Variants in VAV3 observed in about 807,000 individuals in gnomAD.
The protein encoded by VAV3 is vav guanine nucleotide exchange factor 3.
In VAV3, 94 loss-of-function variants were observed where a neutral mutation model predicts 131.2. That is an observed-to-expected ratio of 0.72 (90% CI 0.61 to 0.85). The LOEUF is 0.85. Among genes scored for constraint, VAV3 ranks in the 40% least tolerant of loss-of-function variants. VAV3 has a pLI of 0.00. For synonymous variants in VAV3, 349 were observed against 342.0 expected (o/e 1.02, Z -0.22); for missense variants, 939 against 1,002.7 (o/e 0.94, Z 0.86).
chr1:107,610,664 T>G (rs1051395272), intron 21 of VAV3, among the ~76,000 whole-genome samples: 1 of 152,174 alleles, frequency 6.6e-6, no homozygotes, highest in Non-Finnish European at 1.5e-5. Flanking sequence ...AGGAAAAATA[T>G]TGCATTTGCT....
rs183050928 is a variant in VAV3, at chr1:107,683,347, T to C, written c.1777+141A>G. 5.3e-5 allele frequency: 45 copies of C among 843,812 alleles called. No individual in the cohort carries two copies. The East Asian group carries it at 6.5e-4, about 12-fold the overall frequency. 52.3% of individuals were successfully genotyped at this position (843,812 alleles called of 1,614,324 possible). A position where few individuals can be genotyped will look rare whatever the true frequency, so the allele number is the denominator to read the frequency against. ...TGTGAATGATTTACACGTTAGACCATGACCTCCTGGTCACACATTATACAC... is the reference window on the plus strand; with the variant it reads ...TGTGAATGATTTACACGTTAGACCACGACCTCCTGGTCACACATTATACAC... On this transcript the variant is annotated intron_variant, in intron 19 of 26. Coordinates refer to ENST00000370056, the MANE Select transcript of VAV3 (RefSeq NM_006113.5).
intron 1 of VAV3, among the ~76,000 whole-genome samples, chr1:107,955,596 G>A (rs921372526): frequency 2.0e-5 from 3 of 152,094 alleles, no homozygotes; most frequent in African/African-American, 7.2e-5. Context: ...CCACACCTGG[G>A]AGAAAAGTCA....
At chr1:107,929,287 CAAA>C (rs372843076) in intron 1 of VAV3, among the ~76,000 whole-genome samples, 3 of 92,516 alleles carry the variant, frequency 3.2e-5, no homozygotes, top group Admixed American at 2.5e-4. Flanking sequence ...CACTCTGTCT[CAAA>C]AAAAAAAAAA....
intron 15 of VAV3, among the ~76,000 whole-genome samples, chr1:107,727,588 T>C (rs1378428768): frequency 6.6e-6 from 1 of 152,194 alleles, no homozygotes; most frequent in Non-Finnish European, 1.5e-5. Context: ...TAATGAACAT[T>C]TAAAATTAAT....
At chr1:107,642,291 G>A (rs1261970802) in intron 20 of VAV3, among the ~76,000 whole-genome samples, 9 of 152,104 alleles carry the variant, frequency 5.9e-5, no homozygotes, top group Non-Finnish European at 1.3e-4. Context: ...ACCTCTGGTC[G>A]TCCTCACTAC....
At chr1:107,735,534 G>A (rs1248822308) in intron 15 of VAV3, among the ~76,000 whole-genome samples, 3 of 151,378 alleles carry the variant, frequency 2.0e-5, no homozygotes, top group East Asian at 3.9e-4. Flanking sequence ...TATCACCACC[G>A]ATCCCACAGA....
In VAV3 at chr1:107,668,590, T is replaced by C. The variant is rs939816059; in HGVS notation, c.1777+14898A>G. The C allele has an allele frequency of 6.2e-5, 60 of 968,902 alleles. No homozygotes were observed. In the African/African-American group the frequency reaches 8.6e-4, roughly 14 times the overall value. 60.0% of individuals were successfully genotyped at this position (968,902 alleles called of 1,614,324 possible). A position where few individuals can be genotyped will look rare whatever the true frequency, so the allele number is the denominator to read the frequency against. ...TCATACAAAGATGAATTTGCAGTCATGGAGTACAATGAAATGTGTAGAATA... is the reference window on the plus strand; with the variant it reads ...TCATACAAAGATGAATTTGCAGTCACGGAGTACAATGAAATGTGTAGAATA... On this transcript the variant is annotated intron_variant, in intron 19 of 26. Transcript: ENST00000370056.
At chr1:107,585,089 G>C (rs777708964) in intron 25 of VAV3, among the ~76,000 whole-genome samples, 5 of 152,162 alleles carry the variant, frequency 3.3e-5, no homozygotes, top group African/African-American at 7.2e-5. Context: ...GCTATGATTA[G>C]ACTTTAGGCT....
chr1:107,964,921 C>CAAGGATG lies in VAV3; in HGVS notation c.-53_-52insCATCCTT. The CAAGGATG allele has an allele frequency of 1.2e-5, 1 of 81,516 alleles. No homozygotes were observed. 5.0% of individuals were successfully genotyped at this position (81,516 alleles called of 1,614,324 possible). A position where few individuals can be genotyped will look rare whatever the true frequency, so the allele number is the denominator to read the frequency against. On this transcript the variant is annotated 5_prime_UTR_variant, in exon 1 of 27. Coordinates refer to ENST00000370056, the MANE Select transcript of VAV3 (RefSeq NM_006113.5). The stretch of plus-strand genomic sequence containing the variant: ...GCCGGGGCGGGCGGCAAGGATGCGG[C>CAAGGATG]CGCCGCCGCCGCCGCCGCGGTTCCT...
chr1:107,829,958 T>C (rs1428465464), intron 2 of VAV3, among the ~76,000 whole-genome samples: 1 of 152,188 alleles, frequency 6.6e-6, no homozygotes, highest in African/African-American at 2.4e-5. Flanking sequence ...TTATTTCATT[T>C]AAAGAACTAA....
chr1:107,958,465 T>C (rs151123085), intron 1 of VAV3, among the ~76,000 whole-genome samples: 14 of 152,222 alleles, frequency 9.2e-5, no homozygotes, highest in African/African-American at 2.9e-4. Flanking sequence ...TCACAGACAA[T>C]AGTGATGAAT....
At position 107,949,285 on chromosome 1, in the gene VAV3, C is replaced by A. The variant is rs187014454; in HGVS notation, c.204+15381G>T. Among the ~76,000 whole-genome samples the A allele has an allele frequency of 2.0e-3, 303 of 151,184 alleles. 1 individual carries two copies. Among genetic ancestry groups the A allele is most frequent in the African/African-American group, 7.1e-3 (292 of 40,972 alleles). ...TTATTTTTCAACAATTACTTATGAACAATCTTTTTTCTTTTTGTTTATTTT... is the reference window on the plus strand; with the variant it reads ...TTATTTTTCAACAATTACTTATGAAAAATCTTTTTTCTTTTTGTTTATTTT... On this transcript the variant is annotated intron_variant, in intron 1 of 26. Coordinates refer to ENST00000370056, the MANE Select transcript of VAV3 (RefSeq NM_006113.5).
At chr1:107,761,919 C>T (rs1253904919) in intron 9 of VAV3, among the ~76,000 whole-genome samples, 1 of 152,000 alleles carries the variant, frequency 6.6e-6, no homozygotes, top group Non-Finnish European at 1.5e-5. Context: ...TTTAATTTCA[C>T]CCTCTTCTTT....
chr1:107,749,333 A>T, intron 14 of VAV3, 129 bp downstream of exon 14: 3 of 1,068,122 alleles, frequency 2.8e-6, no homozygotes, highest in Non-Finnish European at 3.9e-6. Context: ...AAAGTTATGT[A>T]CCTAATCAAT....
At chr1:107,581,795 G>T (rs1033865724) in intron 25 of VAV3, among the ~76,000 whole-genome samples, 5 of 152,186 alleles carry the variant, frequency 3.3e-5, no homozygotes, top group Admixed American at 1.3e-4. Context: ...TTCATGAGCA[G>T]ATGAAAATTT....
intron 2 of VAV3, among the ~76,000 whole-genome samples, chr1:107,834,077 C>A (rs1486896059): frequency 6.6e-6 from 1 of 152,168 alleles, no homozygotes; most frequent in Non-Finnish European, 1.5e-5. Context: ...AAAGCAGAAC[C>A]AGGTGTTTTA....
chr1:107,827,147 C>T lies in VAV3; in HGVS notation c.322-47655G>A, dbSNP rs367636761. ...GTTTTCTACCCTGAACTACCTATGA[C>T]GACATTCAGTCAAGGGTCCTCTGAG... On this transcript the variant is annotated intron_variant, in intron 2 of 26. Coordinates refer to ENST00000370056, the MANE Select transcript of VAV3 (RefSeq NM_006113.5). Among the ~76,000 whole-genome samples the T allele has an allele frequency of 7.2e-5, 11 of 152,132 alleles. 1 individual carries two copies. Among genetic ancestry groups the T allele is most frequent in the South Asian group, 4.2e-4 (2 of 4,806 alleles).
chr1:107,600,109 T>C (rs2101091651), intron 24 of VAV3, among the ~76,000 whole-genome samples: 1 of 152,114 alleles, frequency 6.6e-6, no homozygotes, highest in Non-Finnish European at 1.5e-5. Context: ...GTGAGGTTCT[T>C]GGTGTAGACG....
intron 2 of VAV3, among the ~76,000 whole-genome samples, chr1:107,795,652 A>G (rs553715537): frequency 1.3e-5 from 2 of 152,382 alleles, no homozygotes; most frequent in Non-Finnish European, 2.9e-5. Context: ...ATCAAGAGGG[A>G]AAACCCCCTA....
Sources: gnomAD v4.1 joint callset for allele counts (sites outside exome capture counted in the v4.1 genomes callset) on GRCh38, gnomAD v4.1.1 for gene constraint, MANE v1.5 for transcripts, NCBI Gene and HGNC (gene_info 2026-07-23, HGNC 2026-07-21) for gene names.